The following COX10 variants were observed in gnomAD, a reference collection of about 807,000 sequenced individuals.
COX10 encodes protoheme IX farnesyltransferase, mitochondrial.
A neutral mutation model predicts 37.3 loss-of-function variants in COX10; 27 were observed. The observed-to-expected ratio is 0.72, with a 90% CI of 0.53 to 1.00. The LOEUF (loss-of-function observed/expected upper bound fraction) is 1.00, where lower values mean the gene tolerates loss of function less well. Among genes scored for constraint, COX10 ranks in the 50% least tolerant of loss-of-function variants. The pLI is 0.00. For synonymous variants in COX10, 222 were observed against 229.1 expected (o/e 0.97, Z 0.28); for missense variants, 475 against 563.2 (o/e 0.84, Z 1.59).
intron 4 of COX10, among the ~76,000 whole-genome samples, chr17:14,115,916 A>G (rs1916099761): frequency 6.6e-6 from 1 of 152,184 alleles, no homozygotes; most frequent in African/African-American, 2.4e-5. Flanking sequence ...AACTGGAACA[A>G]TGTAAGTTAT....
chr17:14,073,508 G>A (rs954861242), intron 1 of COX10, among the ~76,000 whole-genome samples: 4 of 152,172 alleles, frequency 2.6e-5, no homozygotes, highest in Non-Finnish European at 5.9e-5. Context: ...AAATAGACCT[G>A]ATGACTCTAG....
intron 4 of COX10, among the ~76,000 whole-genome samples, chr17:14,114,767 C>T (rs1184697078): frequency 2.0e-5 from 3 of 152,094 alleles, no homozygotes; most frequent in Non-Finnish European, 2.9e-5. Context: ...TTAGGGTTTA[C>T]ATGTAGTTGC....
intron 5 of COX10, among the ~76,000 whole-genome samples, chr17:14,173,747 C>T (rs1362866018): frequency 6.6e-6 from 1 of 152,226 alleles, no homozygotes; most frequent in Non-Finnish European, 1.5e-5. Flanking sequence ...AAGGCACATA[C>T]ATTGGAAAGA....
chr17:14,152,424 G>T (rs893874349), intron 4 of COX10, among the ~76,000 whole-genome samples: 9 of 152,120 alleles, frequency 5.9e-5, no homozygotes, highest in Admixed American at 2.0e-4. Flanking sequence ...GGGGGAAACC[G>T]CTACCATGAT....
intron 3 of COX10, among the ~76,000 whole-genome samples, chr17:14,099,544 C>T (rs1405225913): frequency 6.6e-6 from 1 of 152,052 alleles, no homozygotes; most frequent in Admixed American, 6.6e-5. Flanking sequence ...TCCTGTTCTG[C>T]TTGCTGTAGC....
At chr17:14,171,155 G>C (rs529448912) in intron 5 of COX10, among the ~76,000 whole-genome samples, 1 of 152,174 alleles carries the variant, frequency 6.6e-6, no homozygotes, top group Admixed American at 6.5e-5. Flanking sequence ...TAGAGTGGTG[G>C]GTTATTGAAC....
At chr17:14,176,814 A>G (rs1332636178) in intron 5 of COX10, among the ~76,000 whole-genome samples, 1 of 151,754 alleles carries the variant, frequency 6.6e-6, no homozygotes, top group African/African-American at 2.4e-5. Flanking sequence ...TTTGTTACTG[A>G]GCTCCCTTTT....
chr17:14,173,785 T>C (rs1469894437), intron 5 of COX10, among the ~76,000 whole-genome samples: 1 of 152,178 alleles, frequency 6.6e-6, no homozygotes, highest in Non-Finnish European at 1.5e-5. Flanking sequence ...AATGTCATTG[T>C]TTACATGGAA....
In COX10 at chr17:14,192,204, C is replaced by G. The variant is rs374596089; in HGVS notation, c.911C>G (p.Thr304Arg). Residue 304 changes from threonine to arginine, a missense_variant, in exon 6 of 7, where the codon ACG becomes AGG. Thr to Arg is a moderately conservative substitution (Grantham distance 71, BLOSUM62 -1). Transcript: ENST00000261643. ...IPPVMGWTAA[T>R]GSLDAGAFLL... ...CCTGTCATGGGCTGGACAGCGGCCA[C>G]GGGCAGCCTCGATGCTGGTAAGTGT... 1.9e-6 allele frequency: 3 copies of G among 1,614,218 alleles called. No individual in the cohort carries two copies. The highest frequency in any genetic ancestry group is 2.5e-6 in the Non-Finnish European group (3 of 1,180,012).
rs1023611308 is a variant in COX10 at position 14,165,875 on chromosome 17, G to A, written c.695+5928G>A. On this transcript the variant is annotated intron_variant, in intron 5 of 6. Coordinates refer to ENST00000261643, the MANE Select transcript of COX10 (RefSeq NM_001303.4). ...GATATGAAGAATGTTTTAGCAATCT[G>A]GCTATATCTAAGCAGCCACAGCATT... Among the ~76,000 whole-genome samples, 8 of 152,304 alleles carry A rather than the reference G, an allele frequency of 5.3e-5. No individual in the cohort carries two copies. In the South Asian group the frequency reaches 1.7e-3, roughly 32 times the overall value.
Position 14,159,876 on chromosome 17 carries a change from G to T in COX10, c.625-1G>T. ...TCTGTCTTTTTTCATTCTTTTTACAGTTTTTTGAGGTGCCATTTGACTCAA... is the reference window on the plus strand; with the variant it reads ...TCTGTCTTTTTTCATTCTTTTTACATTTTTTTGAGGTGCCATTTGACTCAA... On this transcript the variant is annotated splice_acceptor_variant, in intron 4 of 6. Coordinates refer to ENST00000261643, the MANE Select transcript of COX10 (RefSeq NM_001303.4). LOFTEE classifies it high-confidence loss of function. 1 of 1,609,206 alleles carries T rather than the reference G, an allele frequency of 6.2e-7. No individual in the cohort carries two copies. The highest frequency in any genetic ancestry group is 8.5e-7 in the Non-Finnish European group (1 of 1,177,604).
chr17:14,198,138 T>C (rs1486379248), intron 6 of COX10, among the ~76,000 whole-genome samples: 1 of 152,216 alleles, frequency 6.6e-6, no homozygotes, highest in Non-Finnish European at 1.5e-5. Context: ...GGTTTGATTC[T>C]GCACACAGGG....
rs765874431 is a variant in COX10, at chr17:14,207,088, G to T, written c.1207G>T (p.Ala403Ser). The change falls in exon 7 of 7, where the codon GCA (alanine) becomes TCA (serine). Residue 403 changes from alanine (A) to serine (S), a missense_variant. Transcript: ENST00000261643. ...CCTCGGCTTCCGCTTCTACGTGGAC[G>T]CAGACCGCAGGAGCTCGCGGAGACT... Reference protein sequence around the residue: ...SYLGFRFYVDADRRSSRRLFF... With the variant: ...SYLGFRFYVDSDRRSSRRLFF... 6 of 1,613,914 alleles carry T rather than the reference G, an allele frequency of 3.7e-6. No homozygotes were observed. Among genetic ancestry groups the T allele is most frequent in the Admixed American group, 1.7e-5 (1 of 60,008 alleles).
chr17:14,099,996 G>A (rs575084119), intron 3 of COX10, among the ~76,000 whole-genome samples: 5 of 151,850 alleles, frequency 3.3e-5, no homozygotes, highest in African/African-American at 1.2e-4. Context: ...ATTCTTTTTT[G>A]TTGTTTTATC....
intron 3 of COX10, among the ~76,000 whole-genome samples, chr17:14,092,012 G>A (rs1489196371): frequency 6.6e-6 from 1 of 152,098 alleles, no homozygotes; most frequent in Non-Finnish European, 1.5e-5. Context: ...AATTAAAAAG[G>A]TTATAAATTT....
chr17:14,089,970 G>A (rs369471265), intron 3 of COX10, among the ~76,000 whole-genome samples: 2 of 151,988 alleles, frequency 1.3e-5, no homozygotes, highest in East Asian at 3.9e-4. Context: ...CCCATTAAGG[G>A]AGACCTCTGC....
At chr17:14,189,773 G>T (rs1273904951) in intron 5 of COX10, among the ~76,000 whole-genome samples, 2 of 152,204 alleles carry the variant, frequency 1.3e-5, no homozygotes, top group African/African-American at 4.8e-5. Flanking sequence ...AGCAGTTGGT[G>T]AGGGATACAG....
chr17:14,183,910 G>A (rs566837932), intron 5 of COX10, among the ~76,000 whole-genome samples: 80 of 152,338 alleles, frequency 5.3e-4, no homozygotes, highest in Non-Finnish European at 1.0e-3. Flanking sequence ...GTTCACTGCT[G>A]TACAGCTACA....
At chr17:14,078,815 C>G (rs886791173) in intron 3 of COX10, among the ~76,000 whole-genome samples, 3 of 152,186 alleles carry the variant, frequency 2.0e-5, no homozygotes, top group Admixed American at 1.3e-4. Context: ...TAAAGGAACA[C>G]TGTAACCTGG....
Sources: allele counts gnomAD v4.1 joint callset (sites outside exome capture counted in the v4.1 genomes callset), GRCh38; gene constraint gnomAD v4.1.1; transcripts MANE v1.5; gene names NCBI Gene and HGNC (gene_info 2026-07-23, HGNC 2026-07-21).